RBBP8: variants seen among roughly 807,000 people sequenced by gnomAD.
RBBP8 encodes the protein RB binding protein 8, endonuclease.
Under a neutral mutation model 108.3 loss-of-function variants are expected in RBBP8, and 88 were observed. That is an observed-to-expected ratio of 0.81 (90% CI 0.68 to 0.97). The LOEUF is 0.97. RBBP8 is among the 50% of genes least tolerant of loss of function. The pLI is 0.00. For synonymous variants in RBBP8, 332 were observed against 348.2 expected, an observed-to-expected ratio of 0.95 and a Z score of 0.52; for missense variants, 1,023 against 1,049.0, an observed-to-expected ratio of 0.98 and a Z score of 0.34.
At chr18:23,025,713 G>A (rs967669602) in intron 18 of RBBP8, among the ~76,000 whole-genome samples, 3 of 152,194 alleles carry the variant, frequency 2.0e-5, no homozygotes, top group African/African-American at 7.2e-5. Context: ...TTAGCACTTT[G>A]TCCCCCTTTG....
chr18:22,958,875 A>G (rs1912824852), intron 4 of RBBP8, among the ~76,000 whole-genome samples: 1 of 152,198 alleles, frequency 6.6e-6, no homozygotes, highest in Non-Finnish European at 1.5e-5. Flanking sequence ...TTCTTGGGCT[A>G]AAAAACTTCT....
intron 18 of RBBP8, among the ~76,000 whole-genome samples, chr18:23,023,057 C>G (rs960000784): frequency 1.3e-5 from 2 of 151,672 alleles, no homozygotes; most frequent in Non-Finnish European, 2.9e-5. Context: ...CCGCCATACC[C>G]AGCACTTTTT....
At chr18:22,955,748 T>C (rs1029603234) in intron 4 of RBBP8, among the ~76,000 whole-genome samples, 1 of 151,742 alleles carries the variant, frequency 6.6e-6, no homozygotes, top group African/African-American at 2.4e-5. Flanking sequence ...CGGCTAATTT[T>C]TTTTTGTATT....
At chr18:22,957,291 CTTTT>C (rs11418623) in intron 4 of RBBP8, among the ~76,000 whole-genome samples, 31 of 92,874 alleles carry the variant, frequency 3.3e-4, no homozygotes, top group Non-Finnish European at 5.7e-4. Flanking sequence ...ATTACTTTTT[CTTTT>C]TTTTTTTTTT....
At position 22,936,899 on chromosome 18, in the gene RBBP8, A is replaced by G. The variant is rs569980277; in HGVS notation, c.48A>G (p.Thr16=). The part of the protein sequence containing the change: ...SSCGSPNSAD[T]SSDFKDLWTK... Reference sequence around the variant, plus strand: ...GTGGAAGCCCTAACTCTGCAGATACATCTAGTGACTTTAAGGACCTTTGGA... The same window carrying G: ...GTGGAAGCCCTAACTCTGCAGATACGTCTAGTGACTTTAAGGACCTTTGGA... Residue 16 remains threonine, a synonymous_variant, in exon 2 of 19, where the codon ACA becomes ACG. Coordinates refer to ENST00000327155, the MANE Select transcript of RBBP8 (RefSeq NM_002894.3). 11 of 1,614,196 alleles carry G rather than the reference A, an allele frequency of 6.8e-6. No individual in the cohort carries two copies. Among genetic ancestry groups the G allele is most frequent in the South Asian group, 6.6e-5 (6 of 91,086 alleles).
At chr18:22,967,315 G>A (rs1913692437) in intron 4 of RBBP8, among the ~76,000 whole-genome samples, 1 of 148,462 alleles carries the variant, frequency 6.7e-6, no homozygotes, top group Non-Finnish European at 1.5e-5. Flanking sequence ...GCAGTGAGCT[G>A]AGATTGCGCC....
At chr18:22,952,765 T>C (rs935161039) in intron 4 of RBBP8, among the ~76,000 whole-genome samples, 12 of 152,178 alleles carry the variant, frequency 7.9e-5, no homozygotes, top group African/African-American at 2.9e-4. Context: ...TCTCTGGATA[T>C]GTAGTAGAGG....
intron 2 of RBBP8, among the ~76,000 whole-genome samples, chr18:22,944,587 A>G (rs1911388668): frequency 6.6e-6 from 1 of 152,234 alleles, no homozygotes; most frequent in South Asian, 2.1e-4. Context: ...ATGTTTGGCT[A>G]AGACTGCTGT....
chr18:22,996,738 T>A (rs1309911782), intron 13 of RBBP8, among the ~76,000 whole-genome samples: 2 of 151,982 alleles, frequency 1.3e-5, no homozygotes, highest in African/African-American at 4.8e-5. Flanking sequence ...GGCTCATGCC[T>A]GTAATCCCAA....
At chr18:23,010,919 C>T (rs1000447162) in intron 16 of RBBP8, among the ~76,000 whole-genome samples, 3 of 152,298 alleles carry the variant, frequency 2.0e-5, no homozygotes, top group South Asian at 4.1e-4. Context: ...CACGATAAGA[C>T]ACTATAGAAG....
chr18:22,914,486 T>C (rs1367173493), intron 1 of RBBP8, among the ~76,000 whole-genome samples: 2 of 152,226 alleles, frequency 1.3e-5, no homozygotes, highest in African/African-American at 2.4e-5. Context: ...GCATAAAGGT[T>C]ATTTGGTATA....
chr18:22,966,906 G>C (rs1220567999), intron 4 of RBBP8, among the ~76,000 whole-genome samples: 1 of 151,738 alleles, frequency 6.6e-6, no homozygotes, highest in African/African-American at 2.4e-5. Flanking sequence ...TTTGTTTTTA[G>C]TAGAGATGAG....
At chr18:22,959,736 TTGTGTGTG>T (rs1208403082) in intron 4 of RBBP8, among the ~76,000 whole-genome samples, 1 of 149,530 alleles carries the variant, frequency 6.7e-6, no homozygotes, top group Non-Finnish European at 1.5e-5. Context: ...GTGTGTGTGT[TTGTGTGTG>T]TGTGTGTGTA....
At chr18:22,934,907 T>G (rs1910400842) in intron 1 of RBBP8, 1 of 151,306 alleles carries the variant, frequency 6.6e-6, no homozygotes, top group Non-Finnish European at 1.5e-5. Context: ...GTAGCTGTCT[T>G]ACAGAGTTTT....
At chr18:22,995,708 ATC>A (rs2045844299) in intron 12 of RBBP8, among the ~76,000 whole-genome samples, 1 of 152,200 alleles carries the variant, frequency 6.6e-6, no homozygotes, top group Non-Finnish European at 1.5e-5. Context: ...GTTTTCAGTT[ATC>A]TGTGTTACAG....
chr18:22,944,716 T>G (rs1911404382), intron 2 of RBBP8, among the ~76,000 whole-genome samples: 1 of 152,204 alleles, frequency 6.6e-6, no homozygotes, highest in Non-Finnish European at 1.5e-5. Flanking sequence ...AGTTGGACAT[T>G]TTCTAAAGGT....
At chr18:22,984,312 G>A (rs4800141) in intron 7 of RBBP8, among the ~76,000 whole-genome samples, 79,355 of 151,884 alleles carry the variant, frequency 0.52, 23,364 homozygotes, top group Middle Eastern at 0.72. Context: ...TTTCCTTCCC[G>A]AAAATAGAAA....
intron 5 of RBBP8, among the ~76,000 whole-genome samples, chr18:22,971,620 G>A (rs1194508627): frequency 2.7e-5 from 4 of 150,918 alleles, no homozygotes; most frequent in African/African-American, 9.7e-5. Context: ...AGCTTTTCTA[G>A]GGTGAACCAA....
upstream of RBBP8, among the ~76,000 whole-genome samples, chr18:22,931,230 G>C (rs1910013273): frequency 6.6e-6 from 1 of 152,168 alleles, no homozygotes; most frequent in Non-Finnish European, 1.5e-5. Flanking sequence ...CAAAGAGTGG[G>C]GGTAGGTTTG....
Sources: gnomAD v4.1 joint callset for allele counts (sites outside exome capture counted in the v4.1 genomes callset) on GRCh38, gnomAD v4.1.1 for gene constraint, MANE v1.5 for transcripts, NCBI Gene and HGNC (gene_info 2026-07-23, HGNC 2026-07-21) for gene names.